KIAA0825: variants seen among roughly 807,000 people sequenced by gnomAD.
KIAA0825 encodes uncharacterized protein KIAA0825.
KIAA0825 carries 119 observed loss-of-function variants against 147.6 expected under a neutral mutation model. That is an observed-to-expected ratio of 0.81 (90% CI 0.69 to 0.94). KIAA0825 has a LOEUF of 0.94. Among genes scored for constraint, KIAA0825 ranks in the 40% least tolerant of loss-of-function variants. The probability of loss-of-function intolerance (pLI) is 0.00; values close to 1 mark genes in which losing one functional copy is unlikely to be tolerated. For synonymous variants in KIAA0825, 470 were observed against 518.1 expected, an observed-to-expected ratio of 0.91 and a Z score of 1.26; for missense variants, 1,381 against 1,472.7, an observed-to-expected ratio of 0.94 and a Z score of 1.02.
intron 5 of KIAA0825, among the ~76,000 whole-genome samples, chr5:94,492,687 T>C (rs1483858314): frequency 6.6e-6 from 1 of 152,240 alleles, no homozygotes; most frequent in Non-Finnish European, 1.5e-5. Context: ...CTTATTTTAA[T>C]TGGCTTTCTC....
chr5:94,468,453 A>G (rs1179144257), intron 10 of KIAA0825, among the ~76,000 whole-genome samples: 1 of 152,148 alleles, frequency 6.6e-6, no homozygotes, highest in Non-Finnish European at 1.5e-5. Context: ...AGGAGAGGGG[A>G]AGACCAATAC....
intron 20 of KIAA0825, among the ~76,000 whole-genome samples, chr5:94,383,807 G>A (rs567476767): frequency 6.6e-6 from 1 of 151,890 alleles, no homozygotes; most frequent in South Asian, 2.1e-4. Flanking sequence ...GTGTGTGTGT[G>A]TGTGTGTGTG....
At chr5:94,344,146 G>T (rs2150340702) in intron 20 of KIAA0825, among the ~76,000 whole-genome samples, 1 of 152,258 alleles carries the variant, frequency 6.6e-6, no homozygotes, top group South Asian at 2.1e-4. Flanking sequence ...CAAGGTTCAT[G>T]TATATCAATG....
At chr5:94,588,131 G>A (rs866346447) in intron 1 of KIAA0825, among the ~76,000 whole-genome samples, 3 of 152,208 alleles carry the variant, frequency 2.0e-5, no homozygotes, top group Middle Eastern at 3.4e-3. Context: ...CATAGGCATG[G>A]GCAAAGACTT....
intron 2 of KIAA0825, among the ~76,000 whole-genome samples, chr5:94,555,101 CAT>C (rs1776301948): frequency 6.6e-6 from 1 of 152,046 alleles, no homozygotes; most frequent in African/African-American, 2.4e-5. Flanking sequence ...AAAAACAAAA[CAT>C]AAAAAACAAC....
intron 20 of KIAA0825, among the ~76,000 whole-genome samples, chr5:94,355,765 T>C (rs1252203303): frequency 6.6e-6 from 1 of 152,216 alleles, no homozygotes; most frequent in East Asian, 1.9e-4. Context: ...ACAATTTTAT[T>C]AGGGTGTTTT....
At chr5:94,593,163 C>A in intron 1 of KIAA0825, 1 of 746,800 alleles carries the variant, frequency 1.3e-6, no homozygotes, top group Non-Finnish European at 2.5e-6. Context: ...GTGAGGCCCA[C>A]GATCCGCTAG....
At chr5:94,289,009 C>A (rs766097176) in intron 20 of KIAA0825, among the ~76,000 whole-genome samples, 3 of 152,140 alleles carry the variant, frequency 2.0e-5, no homozygotes, top group Non-Finnish European at 4.4e-5. Flanking sequence ...CAAACTGATA[C>A]TAGGAAACTT....
At chr5:94,335,540 C>T (rs1476957915) in intron 20 of KIAA0825, among the ~76,000 whole-genome samples, 1 of 152,020 alleles carries the variant, frequency 6.6e-6, no homozygotes, top group African/African-American at 2.4e-5. Context: ...CTGTTTCTCA[C>T]ATTAATTTTA....
intron 20 of KIAA0825, among the ~76,000 whole-genome samples, chr5:94,171,226 AAGGTC>A (rs904858017): frequency 6.6e-6 from 1 of 152,174 alleles, no homozygotes; most frequent in Non-Finnish European, 1.5e-5. Flanking sequence ...AGTCTCACAC[AAGGTC>A]AGATGGTTTT....
intron 11 of KIAA0825, 97 bp from the exon 12 acceptor site, chr5:94,462,666 G>A: frequency 1.7e-6 from 1 of 586,106 alleles, no homozygotes; most frequent in Non-Finnish European, 2.8e-6. Context: ...GCATATGTAA[G>A]AATAGAAGAA....
intron 1 of KIAA0825, among the ~76,000 whole-genome samples, chr5:94,589,015 T>C (rs1000450389): frequency 2.0e-5 from 3 of 152,128 alleles, no homozygotes; most frequent in South Asian, 2.1e-4. Flanking sequence ...CACTGGGGCC[T>C]GTTGGCGGGT....
At chr5:94,529,711 T>C (rs1488774419) in intron 3 of KIAA0825, among the ~76,000 whole-genome samples, 1 of 152,122 alleles carries the variant, frequency 6.6e-6, no homozygotes, top group Non-Finnish European at 1.5e-5. Context: ...ATCCTGAGTA[T>C]GTGTTACTTT....
chr5:94,497,300 T>C (rs1764495800), intron 5 of KIAA0825, among the ~76,000 whole-genome samples: 1 of 152,198 alleles, frequency 6.6e-6, no homozygotes, highest in South Asian at 2.1e-4. Context: ...CAATTTTTGG[T>C]CACCAATGAG....
chr5:94,508,663 C>T (rs1458182431), intron 5 of KIAA0825, among the ~76,000 whole-genome samples: 1 of 152,156 alleles, frequency 6.6e-6, no homozygotes, highest in Admixed American at 6.6e-5. Context: ...ACAATTGTTG[C>T]ATGGCTTCCT....
intron 12 of KIAA0825, among the ~76,000 whole-genome samples, chr5:94,457,661 T>C (rs535920504): frequency 8.6e-4 from 131 of 152,314 alleles, no homozygotes; most frequent in African/African-American, 3.0e-3. Context: ...TTAACAAAAC[T>C]GATCAGCTCT....
chr5:94,515,183 A>C (rs1767031444), intron 5 of KIAA0825, among the ~76,000 whole-genome samples: 1 of 152,186 alleles, frequency 6.6e-6, no homozygotes, highest in Non-Finnish European at 1.5e-5. Flanking sequence ...GAACACTGAG[A>C]AATGTAGCAT....
chr5:94,368,381 C>T (rs1206207203), intron 20 of KIAA0825, among the ~76,000 whole-genome samples: 1 of 152,110 alleles, frequency 6.6e-6, no homozygotes. Flanking sequence ...GCATGTTGCC[C>T]AGGCTAGTCT....
At chr5:94,404,683 AATG>A (rs1420966121) in intron 15 of KIAA0825, among the ~76,000 whole-genome samples, 1 of 152,170 alleles carries the variant, frequency 6.6e-6, no homozygotes. Flanking sequence ...GATTATTTCA[AATG>A]ATAATAATTT....
Sources: allele counts gnomAD v4.1 joint callset (sites outside exome capture counted in the v4.1 genomes callset), GRCh38; gene constraint gnomAD v4.1.1; transcripts MANE v1.5; gene names NCBI Gene and HGNC (gene_info 2026-07-23, HGNC 2026-07-21).